TECTB: variants seen among roughly 807,000 people sequenced by gnomAD.
TECTB encodes beta-tectorin.
Under a neutral mutation model 43.3 loss-of-function variants are expected in TECTB, and 45 were observed. The observed-to-expected ratio is 1.04, with a 90% CI of 0.82 to 1.33. The LOEUF (loss-of-function observed/expected upper bound fraction) is 1.33. TECTB is among the 40% of genes most tolerant of loss of function. The pLI is 0.00. For synonymous variants in TECTB, 169 were observed against 156.7 expected, an observed-to-expected ratio of 1.08 and a Z score of -0.59; for missense variants, 399 against 404.7, an observed-to-expected ratio of 0.99 and a Z score of 0.12.
chr10:112,285,274 C>T (rs1848444434), intron 3 of TECTB, among the ~76,000 whole-genome samples: 2 of 152,202 alleles, frequency 1.3e-5, no homozygotes, highest in South Asian at 4.1e-4. Flanking sequence ...GTCACTCATT[C>T]AGGGCCACAG....
chr10:112,284,847 C>A (rs1848441409), intron 3 of TECTB, 122 bp downstream of exon 3: 2 of 824,546 alleles, frequency 2.4e-6, no homozygotes, highest in Non-Finnish European at 3.4e-6. Context: ...AAAGGTCAGT[C>A]CTGATTCCCA....
chr10:112,296,867 C>T (rs112247761), intron 7 of TECTB, among the ~76,000 whole-genome samples: 65 of 152,244 alleles, frequency 4.3e-4, no homozygotes, highest in South Asian at 1.2e-3. Flanking sequence ...AAGAAAGATG[C>T]TTCAGAGTTG....
At chr10:112,301,513 C>T (rs1378663667) in intron 9 of TECTB, among the ~76,000 whole-genome samples, 2 of 152,020 alleles carry the variant, frequency 1.3e-5, no homozygotes, top group Admixed American at 6.6e-5. Flanking sequence ...TACAGCAGTG[C>T]ACTGCAACTA....
chr10:112,300,806 T>C (rs1848604916), intron 9 of TECTB, among the ~76,000 whole-genome samples: 1 of 152,218 alleles, frequency 6.6e-6, no homozygotes, highest in African/African-American at 2.4e-5. Flanking sequence ...GAAACACTTC[T>C]GGTCCCAAGC....
chr10:112,296,190 G>C (rs61872308), intron 7 of TECTB, among the ~76,000 whole-genome samples: 15,024 of 152,148 alleles, frequency 0.099, 802 homozygotes, highest in Middle Eastern at 0.13. Flanking sequence ...GTTTGCAAAA[G>C]TTCCTGGAGA....
At chr10:112,285,892 C>T (rs906782094) in intron 3 of TECTB, among the ~76,000 whole-genome samples, 179 bp from the exon 4 acceptor site, 6 of 152,166 alleles carry the variant, frequency 3.9e-5, no homozygotes, top group African/African-American at 1.4e-4. Context: ...AACTAAGGAA[C>T]CCTTTACAAA....
intron 5 of TECTB, among the ~76,000 whole-genome samples, chr10:112,292,434 G>A (rs1848506902): frequency 6.6e-6 from 1 of 151,902 alleles, no homozygotes; most frequent in Non-Finnish European, 1.5e-5. Context: ...TAGTTTTTGA[G>A]GTTTTTTGTT....
At chr10:112,301,024 G>A (rs1267323228) in intron 9 of TECTB, among the ~76,000 whole-genome samples, 1 of 152,248 alleles carries the variant, frequency 6.6e-6, no homozygotes, top group Non-Finnish European at 1.5e-5. Flanking sequence ...CCAAGGCCCA[G>A]GTGCCACCTG....
intron 5 of TECTB, among the ~76,000 whole-genome samples, chr10:112,292,454 T>C (rs1419394441): frequency 6.6e-6 from 1 of 152,054 alleles, no homozygotes; most frequent in Non-Finnish European, 1.5e-5. Flanking sequence ...TTTTTGTTTT[T>C]GACAGAGTCT....
rs778924249 is a variant in TECTB, at chr10:112,284,561, A to T, written c.103A>T (p.Lys35Ter). 3.1e-6 allele frequency: 5 copies of T among 1,610,322 alleles called. No homozygotes were observed. Among genetic ancestry groups the T allele is most frequent in the Non-Finnish European group, 4.2e-6 (5 of 1,178,144 alleles). Residue 35 changes from lysine (K) to a stop codon, truncating the protein, a stop_gained, in exon 3 of 11, where the codon AAA becomes TAA. Transcript: ENST00000646139. LOFTEE classifies it high-confidence loss of function. ...ADVILVFCYP[K>*]TIITKIPECP... ...TGTCATTCTTGTGTTTTGCTATCCC[A>T]AAACCATCATCACCAAAATCCCCGA...
At chr10:112,293,217 G>A (rs1848514751) in intron 5 of TECTB, among the ~76,000 whole-genome samples, 1 of 152,212 alleles carries the variant, frequency 6.6e-6, no homozygotes, top group South Asian at 2.1e-4. Context: ...TCCATCGTCA[G>A]TGCCCAACAC....
At position 112,284,584 on chromosome 10, in the gene TECTB, C is replaced by A. The variant is rs368151418; in HGVS notation, c.126C>A (p.Pro42=). ...CYPKTIITKI[P]ECPYGWEVHQ... ...CCAAAACCATCATCACCAAAATCCC[C>A]GAGTGTCCCTATGGATGGGAAGTTC... Residue 42 remains proline, a synonymous_variant, in exon 3 of 11, where the codon CCC becomes CCA. Transcript: ENST00000646139. 84 of 1,612,584 alleles carry A rather than the reference C, an allele frequency of 5.2e-5. No individual in the cohort carries two copies. Among genetic ancestry groups the A allele is most frequent in the Non-Finnish European group, 7.0e-5 (82 of 1,179,330 alleles).
At chr10:112,297,249 TC>T (rs543223515) in intron 7 of TECTB, among the ~76,000 whole-genome samples, 219 of 152,120 alleles carry the variant, frequency 1.4e-3, no homozygotes, top group Non-Finnish European at 2.6e-3. Flanking sequence ...CAGCAGCACT[TC>T]CCCCAGCCTG....
In TECTB at chr10:112,304,523, G is replaced by A. The variant is rs868000016; in HGVS notation, c.*1211G>A. 1.3e-5 allele frequency: 2 copies of A among 152,228 alleles called. No individual in the cohort carries two copies. Among genetic ancestry groups the A allele is most frequent in the South Asian group, 4.1e-4 (2 of 4,834 alleles). The allele number at this position is 152,228 out of a possible 1,614,324, so 9.4% of individuals were successfully genotyped here. ...GTAGAGAATTGGCTGGATTGTGATAGGAAAAGGCAGAGTTCTAAGTCCTTA... is the reference window on the plus strand; with the variant it reads ...GTAGAGAATTGGCTGGATTGTGATAAGAAAAGGCAGAGTTCTAAGTCCTTA... On this transcript the variant is annotated 3_prime_UTR_variant, in exon 11 of 11. Coordinates refer to ENST00000646139, the MANE Select transcript of TECTB (RefSeq NM_058222.3).
intron 7 of TECTB, among the ~76,000 whole-genome samples, chr10:112,296,851 T>C (rs1848550845): frequency 1.3e-5 from 2 of 152,158 alleles, no homozygotes; most frequent in Admixed American, 6.5e-5. Flanking sequence ...GAGTTTACCA[T>C]ACAAGAAGAA....
At chr10:112,300,968 G>A (rs1407016691) in intron 9 of TECTB, among the ~76,000 whole-genome samples, 4 of 152,274 alleles carry the variant, frequency 2.6e-5, no homozygotes, top group Non-Finnish European at 4.4e-5. Context: ...GCGGGAAGCT[G>A]TAGCGGCTCT....
rs1229419815 is a variant in TECTB at position 112,294,001 on chromosome 10, G to A, written c.611G>A (p.Cys204Tyr). 2.1e-5 allele frequency: 34 copies of A among 1,614,096 alleles called. No homozygotes were observed. The Admixed American group carries it at 5.7e-4, about 27-fold the overall frequency. Residue 204 changes from cysteine to tyrosine, a missense_variant, in exon 7 of 11, where the codon TGT becomes TAT. By Grantham distance (194) the Cys-to-Tyr change is radical. Coordinates refer to ENST00000646139, the MANE Select transcript of TECTB (RefSeq NM_058222.3). ...SIRFKVVLNS[C>Y]WATPSADFMY... ...AGGTTTAAAGTGGTCTTGAACAGCT[G>A]TTGGGCCACCCCCTCGGCTGACTTC...
intron 5 of TECTB, 31 bp from the exon 6 acceptor site, chr10:112,293,707 C>T (rs1848519498): frequency 6.3e-7 from 1 of 1,595,766 alleles, no homozygotes; most frequent in Non-Finnish European, 8.6e-7. Context: ...TCTGAGAGTT[C>T]ATAATGCCCA....
intron 9 of TECTB, 97 bp from the exon 10 acceptor site, chr10:112,302,004 C>T: frequency 1.4e-6 from 2 of 1,458,166 alleles, no homozygotes; most frequent in Non-Finnish European, 1.9e-6. Flanking sequence ...AGCCGCAGCC[C>T]CCAGCCAGGT....
Sources: gnomAD v4.1 joint callset for allele counts (sites outside exome capture counted in the v4.1 genomes callset) on GRCh38, gnomAD v4.1.1 for gene constraint, MANE v1.5 for transcripts, NCBI Gene and HGNC (gene_info 2026-07-23, HGNC 2026-07-21) for gene names.